ZNF143: variants seen among roughly 807,000 people sequenced by gnomAD.
The protein encoded by ZNF143 is SPH-binding factor.
Under a neutral mutation model 74.1 loss-of-function variants are expected in ZNF143, and 49 were observed. The observed-to-expected ratio is 0.66, with a 90% CI of 0.53 to 0.84. The LOEUF (loss-of-function observed/expected upper bound fraction) is 0.84, where lower values mean the gene tolerates loss of function less well. Among genes scored for constraint, ZNF143 ranks in the 40% least tolerant of loss-of-function variants. The probability of loss-of-function intolerance (pLI) is 0.00; values close to 1 mark genes in which losing one functional copy is unlikely to be tolerated. For missense variants in ZNF143, 637 were observed against 793.4 expected, an observed-to-expected ratio of 0.80 and a Z score of 2.37; for synonymous variants, 304 against 282.8, an observed-to-expected ratio of 1.07 and a Z score of -0.75.
chr11:9,481,913 CA>C (rs1294486384), intron 7 of ZNF143, among the ~76,000 whole-genome samples: 2 of 146,414 alleles, frequency 1.4e-5, no homozygotes, highest in Non-Finnish European at 3.0e-5. Flanking sequence ...TTTCAGAACT[CA>C]AAACGTAACT....
chr11:9,481,443 A>T (rs866557483), intron 7 of ZNF143, among the ~76,000 whole-genome samples: 2 of 152,040 alleles, frequency 1.3e-5, no homozygotes, highest in Non-Finnish European at 2.9e-5. Context: ...TGTCAAATCC[A>T]CCTAAGTCAA....
At chr11:9,503,490 C>T (rs1440349165) in intron 11 of ZNF143, among the ~76,000 whole-genome samples, 1 of 152,174 alleles carries the variant, frequency 6.6e-6, no homozygotes, top group Non-Finnish European at 1.5e-5. Context: ...ATGAGGGTTC[C>T]AGTTTCTCCA....
intron 11 of ZNF143, among the ~76,000 whole-genome samples, chr11:9,507,609 C>T (rs1255955991): frequency 6.6e-6 from 1 of 152,036 alleles, no homozygotes; most frequent in Non-Finnish European, 1.5e-5. Flanking sequence ...TTATTTGTTC[C>T]CCCACCCCAG....
At chr11:9,514,527 C>T (rs186712388) in intron 13 of ZNF143, among the ~76,000 whole-genome samples, 13 of 152,230 alleles carry the variant, frequency 8.5e-5, no homozygotes, top group South Asian at 6.2e-4. Flanking sequence ...TTCATAATGA[C>T]GTGTATATAA....
At chr11:9,524,131 A>G (rs1554970993) in intron 14 of ZNF143, among the ~76,000 whole-genome samples, 1 of 150,798 alleles carries the variant, frequency 6.6e-6, no homozygotes, top group Non-Finnish European at 1.5e-5. Context: ...TTTCTGGGCT[A>G]TTCTTCTCTG....
chr11:9,507,170 G>T (rs1426003133), intron 11 of ZNF143, among the ~76,000 whole-genome samples: 1 of 152,148 alleles, frequency 6.6e-6, no homozygotes, highest in African/African-American at 2.4e-5. Context: ...TTTTGGGGGG[G>T]TTTACTGTGT....
intron 8 of ZNF143, 33 bp from the exon 9 acceptor site, chr11:9,496,270 G>A (rs1459550696): frequency 6.2e-7 from 1 of 1,605,288 alleles, no homozygotes; most frequent in African/African-American, 1.3e-5. Context: ...AATACGTAAA[G>A]GAAATAGAAT....
chr11:9,472,848 A>C (rs1248703856), intron 3 of ZNF143, 79 bp downstream of exon 3: 1 of 1,001,138 alleles, frequency 1.0e-6, no homozygotes. Flanking sequence ...AAGCTATACC[A>C]CCTTTCCTAT....
intron 13 of ZNF143, 61 bp from the exon 14 acceptor site, chr11:9,516,140 T>G: frequency 6.4e-7 from 1 of 1,556,588 alleles, no homozygotes. Flanking sequence ...CTGGTCCTTA[T>G]GGAAGATTGT....
Position 9,504,969 on chromosome 11 carries a change from A to G in ZNF143, c.1148-3650A>G, listed in dbSNP as rs1341138893. ...ATTACAGGTGTGAGCCACCACGCCC[A>G]GCCTCTTTTTTTTTTTTTTTTTAAG... is the stretch of plus-strand genomic sequence containing the variant. On this transcript the variant is annotated intron_variant, in intron 11 of 15. Coordinates refer to ENST00000396602, the MANE Select transcript of ZNF143 (RefSeq NM_003442.6). Among the ~76,000 whole-genome samples the G allele has an allele frequency of 1.0e-4, 8 of 80,388 alleles. 2 individuals carry two copies. The highest frequency in any genetic ancestry group is 1.6e-4 in the Non-Finnish European group (6 of 37,256). 52.7% of individuals were successfully genotyped at this position (80,388 alleles called of 152,430 possible). A position where few individuals can be genotyped will look rare whatever the true frequency, so the allele number is the denominator to read the frequency against.
At chr11:9,502,337 C>T (rs2134104467) in intron 11 of ZNF143, among the ~76,000 whole-genome samples, 2 of 135,936 alleles carry the variant, frequency 1.5e-5, no homozygotes, top group South Asian at 5.5e-4. Context: ...GGGCCGGGCG[C>T]GGTGGCTCAC....
chr11:9,484,050 G>T (rs559561809), intron 7 of ZNF143, among the ~76,000 whole-genome samples: 5 of 151,212 alleles, frequency 3.3e-5, no homozygotes, highest in African/African-American at 1.2e-4. Flanking sequence ...ACCCAGCTCA[G>T]TAAATTTTTA....
chr11:9,461,147 C>T (rs1030337209), intron 1 of ZNF143, 71 bp downstream of exon 1: 42 of 950,510 alleles, frequency 4.4e-5, no homozygotes, highest in Non-Finnish European at 5.0e-5. Flanking sequence ...AGCGCGGCGG[C>T]GCGGGCCCGC....
At chr11:9,475,442 T>A (rs1002328797) in intron 5 of ZNF143, among the ~76,000 whole-genome samples, 1 of 152,004 alleles carries the variant, frequency 6.6e-6, no homozygotes, top group African/African-American at 2.4e-5. Context: ...AAATTTTTAT[T>A]TTCTGATTAA....
chr11:9,478,497 C>T lies in ZNF143; in HGVS notation c.481C>T (p.Gln161Ter), dbSNP rs765791347. 6.2e-7 allele frequency: 1 copy of T among 1,614,194 alleles called. No homozygotes were observed. The change falls in exon 6 of 16, where the codon CAG becomes TAG. Residue 161 changes from glutamine (Q) to a stop codon, truncating the protein, a stop_gained. Transcript: ENST00000396602. LOFTEE classifies it high-confidence loss of function. ...VPQSDTILAI[Q>*]ADGTVAGLHT... ...GCAGTCTGACACCATCTTGGCAATTCAGGCTGATGGGACAGTGGCAGGTCT... is the reference window on the plus strand; with the variant it reads ...GCAGTCTGACACCATCTTGGCAATTTAGGCTGATGGGACAGTGGCAGGTCT...
intron 14 of ZNF143, among the ~76,000 whole-genome samples, chr11:9,519,215 A>T (rs1256845414): frequency 6.8e-5 from 10 of 146,572 alleles, no homozygotes; most frequent in African/African-American, 2.3e-4. Flanking sequence ...AGTTTTGCCT[A>T]TTTTTTTTTT....
intron 7 of ZNF143, among the ~76,000 whole-genome samples, chr11:9,489,579 G>A (rs1847692545): frequency 2.0e-5 from 3 of 152,074 alleles, no homozygotes; most frequent in South Asian, 2.1e-4. Flanking sequence ...TACCAGAATC[G>A]AAGCTCCTAA....
At chr11:9,498,755 G>A (rs1193289423) in intron 10 of ZNF143, among the ~76,000 whole-genome samples, 2 of 152,156 alleles carry the variant, frequency 1.3e-5, no homozygotes, top group Admixed American at 1.3e-4. Context: ...AATTTAGTTT[G>A]GGATTTTAGT....
At chr11:9,478,217 G>T (rs894462242) in intron 5 of ZNF143, among the ~76,000 whole-genome samples, 173 bp from the exon 6 acceptor site, 1 of 152,196 alleles carries the variant, frequency 6.6e-6, no homozygotes, top group African/African-American at 2.4e-5. Context: ...GGCAGTAAAT[G>T]TACCTGCCTT....
Sources: gnomAD v4.1 joint callset for allele counts (sites outside exome capture counted in the v4.1 genomes callset) on GRCh38, gnomAD v4.1.1 for gene constraint, MANE v1.5 for transcripts, NCBI Gene and HGNC (gene_info 2026-07-23, HGNC 2026-07-21) for gene names.